CDC123: variants seen among roughly 807,000 people sequenced by gnomAD.
CDC123 encodes cell division cycle 123.
CDC123 carries 37 observed loss-of-function variants against 54.4 expected under a neutral mutation model. The ratio of observed to expected loss-of-function variants is 0.68; its 90% confidence interval spans 0.52 to 0.89. CDC123 has a LOEUF of 0.89. CDC123 is among the 40% of genes least tolerant of loss of function. The probability of loss-of-function intolerance (pLI) is 0.00; values close to 1 mark genes in which losing one functional copy is unlikely to be tolerated. For missense variants in CDC123, 361 were observed against 412.1 expected, an observed-to-expected ratio of 0.88 and a Z score of 1.07; for synonymous variants, 144 against 136.8, an observed-to-expected ratio of 1.05 and a Z score of -0.37.
At chr10:12,219,732 T>C (rs1835709283) in intron 6 of CDC123, among the ~76,000 whole-genome samples, 1 of 150,260 alleles carries the variant, frequency 6.7e-6, no homozygotes, top group African/African-American at 2.4e-5. Flanking sequence ...TCGCCCAGGC[T>C]GGAGTGCAGT....
At chr10:12,238,938 G>A (rs1463140730) in intron 10 of CDC123, among the ~76,000 whole-genome samples, 4 of 151,868 alleles carry the variant, frequency 2.6e-5, no homozygotes, top group Admixed American at 6.6e-5. Context: ...TGCAGTGAGC[G>A]GAGATCACGC....
chr10:12,198,889 A>G lies in CDC123; in HGVS notation c.146+113A>G, dbSNP rs1043180368. The G allele has an allele frequency of 7.6e-6, 5 of 657,754 alleles. No homozygotes were observed. In the Admixed American group the frequency reaches 1.1e-4, roughly 15 times the overall value. The allele number at this position is 657,754 out of a possible 1,614,324, so 40.7% of individuals were successfully genotyped here. On this transcript the variant is annotated intron_variant, in intron 2 of 12. Coordinates refer to ENST00000281141, the MANE Select transcript of CDC123 (RefSeq NM_006023.3). ...TTTAGCTCTTTTTCTCTCCTAGCCAAAATGATGTGCTGATCTTTGTCTCAT... is the reference window on the plus strand; with the variant it reads ...TTTAGCTCTTTTTCTCTCCTAGCCAGAATGATGTGCTGATCTTTGTCTCAT...
intron 9 of CDC123, among the ~76,000 whole-genome samples, chr10:12,237,828 T>C (rs1241944320): frequency 6.6e-6 from 1 of 152,230 alleles, no homozygotes; most frequent in Non-Finnish European, 1.5e-5. Flanking sequence ...TCAAAGGGGC[T>C]ATCTACAGAG....
chr10:12,218,382 G>A (rs1835690161), intron 6 of CDC123, among the ~76,000 whole-genome samples: 1 of 151,340 alleles, frequency 6.6e-6, no homozygotes, highest in South Asian at 2.1e-4. Context: ...CGGGACTACA[G>A]GCATGCACCA....
Position 12,221,698 on chromosome 10 carries a change from AT to A in CDC123, c.440+4238del, listed in dbSNP as rs1200006885. 4.7e-5 allele frequency among the ~76,000 whole-genome samples: 7 copies of A among 150,536 alleles called. 1 individual carries two copies. The highest frequency in any genetic ancestry group is 4.6e-4 in the Admixed American group (7 of 15,190). ...TCGTAAGATTTTTTTTGAGATTTTT[AT>A]TTTTTTAATTTGTATTTATTTATTT... On this transcript the variant is annotated intron_variant, in intron 6 of 12. Transcript: ENST00000281141.
chr10:12,226,252 C>T (rs535238372), intron 6 of CDC123, among the ~76,000 whole-genome samples: 2 of 152,244 alleles, frequency 1.3e-5, no homozygotes, highest in Admixed American at 6.5e-5. Context: ...GTCATCATGG[C>T]CCGTTCTCAA....
intron 10 of CDC123, among the ~76,000 whole-genome samples, chr10:12,244,463 C>T (rs954854769): frequency 2.6e-5 from 4 of 152,186 alleles, no homozygotes; most frequent in Non-Finnish European, 4.4e-5. Flanking sequence ...TGTGCCCCCG[C>T]TCTGTGCGTG....
At chr10:12,206,802 C>CA (rs1159751004) in intron 2 of CDC123, among the ~76,000 whole-genome samples, 2 of 151,660 alleles carry the variant, frequency 1.3e-5, no homozygotes, top group Non-Finnish European at 2.9e-5. Flanking sequence ...ACTAAAAATG[C>CA]AAAAAAATTA....
At chr10:12,246,328 T>C in intron 11 of CDC123, 51 bp downstream of exon 11, 1 of 1,598,876 alleles carries the variant, frequency 6.3e-7, no homozygotes. Context: ...GTCTACTGAC[T>C]GACTGCTTGT....
At chr10:12,224,328 A>G (rs1310285077) in intron 6 of CDC123, among the ~76,000 whole-genome samples, 8 of 148,502 alleles carry the variant, frequency 5.4e-5, no homozygotes, top group African/African-American at 1.2e-4. Flanking sequence ...ATTTGTGTCT[A>G]TAACATTGCT....
chr10:12,232,101 C>G (rs1835909545), intron 7 of CDC123, among the ~76,000 whole-genome samples: 1 of 152,118 alleles, frequency 6.6e-6, no homozygotes, highest in African/African-American at 2.4e-5. Flanking sequence ...CCTGCCTCAG[C>G]CTCCCAAAAT....
At chr10:12,220,666 A>G (rs969470977) in intron 6 of CDC123, among the ~76,000 whole-genome samples, 2 of 152,194 alleles carry the variant, frequency 1.3e-5, no homozygotes, top group East Asian at 1.9e-4. Context: ...GTTTGTCACA[A>G]AGGCCTTGAA....
At chr10:12,242,972 G>A (rs1356756235) in intron 10 of CDC123, among the ~76,000 whole-genome samples, 1 of 151,810 alleles carries the variant, frequency 6.6e-6, no homozygotes, top group Non-Finnish European at 1.5e-5. Flanking sequence ...TCCTGATCCT[G>A]ATCCTCCTAG....
intron 10 of CDC123, among the ~76,000 whole-genome samples, chr10:12,240,045 G>T (rs1836036922): frequency 6.6e-6 from 1 of 151,164 alleles, no homozygotes; most frequent in Non-Finnish European, 1.5e-5. Context: ...ATTATTTTTA[G>T]TCAACTAAAA....
At chr10:12,199,962 C>T (rs926668109) in intron 2 of CDC123, among the ~76,000 whole-genome samples, 14 of 151,120 alleles carry the variant, frequency 9.3e-5, no homozygotes, top group Admixed American at 4.6e-4. Flanking sequence ...GCTGGGACTA[C>T]AGGCGCCCAC....
chr10:12,215,900 C>A (rs768844949), intron 5 of CDC123, 65 bp downstream of exon 5: 17 of 1,012,840 alleles, frequency 1.7e-5, no homozygotes, highest in Non-Finnish European at 2.2e-5. Flanking sequence ...TATTTCATTT[C>A]ATATCCCTAC....
rs368781594 is a variant in CDC123, at chr10:12,226,338, G to A, written c.441-4610G>A. Among the ~76,000 whole-genome samples the A allele has an allele frequency of 2.2e-3, 326 of 151,520 alleles. 8 individuals are homozygous for A. In the East Asian group the frequency reaches 0.052, roughly 24 times the overall value. ...CCCCCACCTCCCTCCTGGACGGGGC[G>A]GCTGGCCGGGCGGGGGCTGCCCCCC... On this transcript the variant is annotated intron_variant, in intron 6 of 12. Transcript: ENST00000281141.
In CDC123 at chr10:12,217,451, C is replaced by T. The variant is rs759324048; in HGVS notation, c.424C>T (p.Arg142Cys). ...LLFKSSDFIT[R>C]DFTQPFIHCT... ...TTTCAAGAGTTCCGATTTCATCACT[C>T]GTGACTTCACTCAGCCGTAAGTATC... Residue 142 changes from arginine (R) to cysteine (C), a missense_variant, in exon 6 of 13, where the codon CGT (arginine) becomes TGT (cysteine). Arg to Cys is a radical substitution (Grantham distance 180). Coordinates refer to ENST00000281141, the MANE Select transcript of CDC123 (RefSeq NM_006023.3). The T allele has an allele frequency of 8.7e-6, 14 of 1,613,704 alleles. No homozygotes were observed. The highest frequency in any genetic ancestry group is 5.0e-5 in the Admixed American group (3 of 59,980).
chr10:12,249,547 T>C (rs774493235), intron 11 of CDC123, 34 bp from the exon 12 acceptor site: 1 of 1,596,608 alleles, frequency 6.3e-7, no homozygotes, highest in Non-Finnish European at 8.5e-7. Context: ...AAATAAATGA[T>C]TGATATTCTT....
Sources: gnomAD v4.1 joint callset for allele counts (sites outside exome capture counted in the v4.1 genomes callset) on GRCh38, gnomAD v4.1.1 for gene constraint, MANE v1.5 for transcripts, NCBI Gene and HGNC (gene_info 2026-07-23, HGNC 2026-07-21) for gene names.